The following ROBO1 variants were observed in gnomAD, a reference collection of about 807,000 sequenced individuals.
The protein encoded by ROBO1 is roundabout homolog 1.
ROBO1 carries 149 observed loss-of-function variants against 195.9 expected under a neutral mutation model. That is an observed-to-expected ratio of 0.76 (90% CI 0.67 to 0.87). The LOEUF is 0.87. Among genes scored for constraint, ROBO1 ranks in the 40% least tolerant of loss-of-function variants. The pLI is 0.00. For missense variants in ROBO1, 1,933 were observed against 2,068.3 expected, an observed-to-expected ratio of 0.93 and a Z score of 1.27; for synonymous variants, 816 against 733.2, an observed-to-expected ratio of 1.11 and a Z score of -1.82.
chr3:79,727,604 TCTG>T (rs1320888427), intron 1 of ROBO1, among the ~76,000 whole-genome samples: 1 of 152,204 alleles, frequency 6.6e-6, no homozygotes. Flanking sequence ...TTTTGGCATC[TCTG>T]CTATTTTAAA....
chr3:78,967,071 T>C (rs2076661594), intron 3 of ROBO1, among the ~76,000 whole-genome samples: 1 of 152,210 alleles, frequency 6.6e-6, no homozygotes, highest in Non-Finnish European at 1.5e-5. Flanking sequence ...TAATAAATGC[T>C]AGGTATCCAG....
At chr3:78,824,647 G>A (rs1422708565) in intron 4 of ROBO1, among the ~76,000 whole-genome samples, 1 of 152,112 alleles carries the variant, frequency 6.6e-6, no homozygotes, top group East Asian at 1.9e-4. Flanking sequence ...TGATTTAACT[G>A]TGTAAAAAAT....
chr3:79,058,987 C>A (rs1396408545), intron 3 of ROBO1, among the ~76,000 whole-genome samples: 1 of 152,056 alleles, frequency 6.6e-6, no homozygotes, highest in East Asian at 1.9e-4. Context: ...GCCAATTCCA[C>A]CCAAATGTGG....
At chr3:79,083,968 C>T (rs2079321317) in intron 3 of ROBO1, among the ~76,000 whole-genome samples, 1 of 152,156 alleles carries the variant, frequency 6.6e-6, no homozygotes, top group African/African-American at 2.4e-5. Flanking sequence ...TGTAGAATTA[C>T]AGTGTTTTTC....
chr3:78,617,634 C>T lies in ROBO1; in HGVS notation c.4282+1G>A. On this transcript the variant is annotated splice_donor_variant, in intron 27 of 30. Transcript: ENST00000464233. LOFTEE classifies it high-confidence loss of function. The stretch of plus-strand genomic sequence containing the variant: ...GCTTGGTGAAAAGTGTTAGGACTCA[C>T]CAGCAGCATCCTGCATTTGCCGTCG... 1 of 1,605,272 alleles carries T rather than the reference C, an allele frequency of 6.2e-7. No homozygotes were observed. Among genetic ancestry groups the T allele is most frequent in the Non-Finnish European group, 8.5e-7 (1 of 1,175,490 alleles).
chr3:79,299,786 T>C (rs577936758), intron 2 of ROBO1, among the ~76,000 whole-genome samples: 36 of 151,618 alleles, frequency 2.4e-4, no homozygotes, highest in Non-Finnish European at 4.6e-4. Flanking sequence ...TAGTGAAGTG[T>C]AGTTAATTAA....
intron 1 of ROBO1, among the ~76,000 whole-genome samples, chr3:79,708,063 C>A (rs1702123674): frequency 6.6e-6 from 1 of 151,998 alleles, no homozygotes; most frequent in East Asian, 1.9e-4. Flanking sequence ...AATATGCCAC[C>A]ATAAAATATG....
chr3:78,918,807 C>T (rs966741493), intron 4 of ROBO1, among the ~76,000 whole-genome samples: 1 of 152,042 alleles, frequency 6.6e-6, no homozygotes, highest in Non-Finnish European at 1.5e-5. Context: ...GAACACAATA[C>T]TCACAGATAC....
At chr3:78,932,059 G>T (rs2039562639) in intron 4 of ROBO1, among the ~76,000 whole-genome samples, 1 of 152,128 alleles carries the variant, frequency 6.6e-6, no homozygotes, top group South Asian at 2.1e-4. Context: ...TTATACTAAG[G>T]TTTAAATTAA....
At chr3:78,996,059 G>T (rs1047943439) in intron 3 of ROBO1, among the ~76,000 whole-genome samples, 1 of 152,064 alleles carries the variant, frequency 6.6e-6, no homozygotes, top group African/African-American at 2.4e-5. Flanking sequence ...TTTTTTCAGA[G>T]AAGCTAGAAG....
intron 4 of ROBO1, among the ~76,000 whole-genome samples, chr3:78,917,666 T>G (rs1022078440): frequency 2.0e-5 from 3 of 152,170 alleles, no homozygotes; most frequent in Non-Finnish European, 4.4e-5. Context: ...CAAGAAGTCC[T>G]TAAACATCCG....
intron 3 of ROBO1, among the ~76,000 whole-genome samples, chr3:79,058,101 C>T (rs371584511): frequency 2.0e-4 from 31 of 152,104 alleles, no homozygotes; most frequent in African/African-American, 7.2e-4. Context: ...ATACCCCACA[C>T]TTTCAATATA....
At chr3:78,967,524 C>T (rs940147609) in intron 3 of ROBO1, among the ~76,000 whole-genome samples, 5 of 152,158 alleles carry the variant, frequency 3.3e-5, no homozygotes, top group Admixed American at 6.5e-5. Context: ...AAACTGGGCA[C>T]TGAAGTCTTC....
At position 79,239,003 on chromosome 3, in the gene ROBO1, T is replaced by C. The variant is rs73110993; in HGVS notation, c.89-113464A>G. Among the ~76,000 whole-genome samples, 929 of 152,294 alleles carry C rather than the reference T, an allele frequency of 6.1e-3. 7 individuals are homozygous for C. Among genetic ancestry groups the C allele is most frequent in the Non-Finnish European group, 7.6e-3 (517 of 68,010 alleles). ...CATGTCACTTGCCTTAAAGATAAAA[T>C]GTAAAATCCCTAACACAGCACAAAA... On this transcript the variant is annotated intron_variant, in intron 2 of 30. Coordinates refer to ENST00000464233, the MANE Select transcript of ROBO1 (RefSeq NM_002941.4).
chr3:78,956,692 A>G (rs1362286781), intron 3 of ROBO1, among the ~76,000 whole-genome samples: 1 of 152,196 alleles, frequency 6.6e-6, no homozygotes, highest in African/African-American at 2.4e-5. Context: ...GGAGGCAGTC[A>G]GTGTACCTCT....
At chr3:79,001,904 G>C (rs547020094) in intron 3 of ROBO1, among the ~76,000 whole-genome samples, 38 of 152,222 alleles carry the variant, frequency 2.5e-4, no homozygotes, top group African/African-American at 8.7e-4. Flanking sequence ...CAGTTTGGAG[G>C]AGAATGTATT....
chr3:78,959,513 A>G (rs1258874979), intron 3 of ROBO1, among the ~76,000 whole-genome samples: 1 of 152,170 alleles, frequency 6.6e-6, no homozygotes, highest in Non-Finnish European at 1.5e-5. Context: ...ATGGAAGTAA[A>G]ATTATTTCAA....
chr3:79,569,679 ATG>A (rs779659066), intron 2 of ROBO1, among the ~76,000 whole-genome samples: 18 of 132,028 alleles, frequency 1.4e-4, no homozygotes, highest in African/African-American at 4.6e-4. Flanking sequence ...GTGTGTATAT[ATG>A]TGTGTGTGTA....
chr3:79,094,756 T>G (rs1393451393), intron 3 of ROBO1, among the ~76,000 whole-genome samples: 1 of 152,062 alleles, frequency 6.6e-6, no homozygotes, highest in Non-Finnish European at 1.5e-5. Flanking sequence ...GGGGTGTGGC[T>G]GAGGGATTCT....
Sources: gnomAD v4.1 joint callset for allele counts (sites outside exome capture counted in the v4.1 genomes callset) on GRCh38, gnomAD v4.1.1 for gene constraint, MANE v1.5 for transcripts, NCBI Gene and HGNC (gene_info 2026-07-23, HGNC 2026-07-21) for gene names.